Variants in OSBPL9 observed in about 807,000 individuals in gnomAD.
OSBPL9 encodes oxysterol-binding protein-related protein 9.
In OSBPL9, 40 loss-of-function variants were observed where a neutral mutation model predicts 106.6. The observed-to-expected ratio is 0.38, with a 90% CI of 0.29 to 0.49. OSBPL9 has a LOEUF of 0.49. Ranked by LOEUF, OSBPL9 falls within the 20% of genes least tolerant of loss-of-function variation. The pLI is 0.97. For missense variants in OSBPL9, 609 were observed against 887.2 expected, an observed-to-expected ratio of 0.69 and a Z score of 3.98; for synonymous variants, 269 against 295.4, an observed-to-expected ratio of 0.91 and a Z score of 0.92.
rs1460394778 is a variant in OSBPL9 at position 51,772,238 on chromosome 1, TGTGGTGGC to T, written c.1051+57_1051+64del. 2.1e-6 allele frequency: 3 copies of T among 1,408,512 alleles called. No homozygotes were observed. In the Admixed American group the frequency reaches 5.8e-5, roughly 27 times the overall value. The allele number at this position is 1,408,512 out of a possible 1,614,324, so 87.3% of individuals were successfully genotyped here. On this transcript the variant is annotated intron_variant, in intron 13 of 23. Transcript: ENST00000428468. ...TTCTTTAAAAATATTTGTGGCCAGA[TGTGGTGGC>T]TCATGCCGTAATCCCAGCACTTTGG... is the stretch of plus-strand genomic sequence containing the variant.
At chr1:51,641,979 A>C (rs900117859) in intron 1 of OSBPL9, among the ~76,000 whole-genome samples, 8 of 152,210 alleles carry the variant, frequency 5.3e-5, no homozygotes, top group African/African-American at 1.9e-4. Context: ...TAAAAAAGGT[A>C]AGTGTCAAGT....
At position 51,606,749 on chromosome 1, in the gene OSBPL9, T is replaced by C. The variant is rs571587909; in HGVS notation, c.-352-7556T>C. 9.8e-5 allele frequency among the ~76,000 whole-genome samples: 15 copies of C among 152,286 alleles called. 2 individuals are homozygous for C. In the South Asian group the frequency reaches 3.1e-3, roughly 32 times the overall value. On this transcript the variant is annotated intron_variant, in intron 2 of 25. Coordinates refer to the OSBPL9 transcript ENST00000371714. ...TTACAAGTACAATGTCTGTTACTTG[T>C]AGAAAATTTGGAAAACATGCCGGGC...
In OSBPL9 at chr1:51,789,161, T is replaced by TAA. The variant is rs1553199570; in HGVS notation, c.*1373_*1374dup. ...CAATGGAAGCCCTAAGGCAGTAGTA[T>TAA]AACTAACTCCATAAAATACAAACAA... On this transcript the variant is annotated 3_prime_UTR_variant, in exon 24 of 24. Coordinates refer to ENST00000428468, the MANE Select transcript of OSBPL9 (RefSeq NM_024586.6). 2 of 1,387,924 alleles carry TAA rather than the reference T, an allele frequency of 1.4e-6. No individual in the cohort carries two copies. The highest frequency in any genetic ancestry group is 2.0e-6 in the Non-Finnish European group (2 of 976,988). 86.0% of individuals were successfully genotyped at this position (1,387,924 alleles called of 1,614,324 possible). A position where few individuals can be genotyped will look rare whatever the true frequency, so the allele number is the denominator to read the frequency against.
At chr1:51,636,897 A>T (rs533143351) in intron 1 of OSBPL9, among the ~76,000 whole-genome samples, 7 of 152,340 alleles carry the variant, frequency 4.6e-5, no homozygotes, top group African/African-American at 1.7e-4. Flanking sequence ...CTAGTGACCT[A>T]GGAATTTACA....
At chr1:51,661,835 A>G (rs570335264) in intron 2 of OSBPL9, among the ~76,000 whole-genome samples, 39 of 152,324 alleles carry the variant, frequency 2.6e-4, no homozygotes, top group African/African-American at 9.6e-5. Context: ...CAGAGGGAAC[A>G]TGTGCAAAAA....
chr1:51,639,699 C>T (rs576054157), intron 1 of OSBPL9, among the ~76,000 whole-genome samples: 1 of 151,760 alleles, frequency 6.6e-6, no homozygotes, highest in Non-Finnish European at 1.5e-5. Flanking sequence ...AGATTCATAG[C>T]AAGTCAGTGA....
intron 3 of OSBPL9, among the ~76,000 whole-genome samples, chr1:51,670,733 T>C (rs540222711): frequency 9.2e-5 from 14 of 152,374 alleles, no homozygotes; most frequent in African/African-American, 3.4e-4. Flanking sequence ...TTCTACTATA[T>C]TTAACTTCAT....
chr1:51,539,158 G>C, the OSBPL9 span, among the ~76,000 whole-genome samples: 9 of 152,016 alleles, frequency 5.9e-5, no homozygotes, highest in African/African-American at 2.2e-4. Context: ...CATCCACTTG[G>C]ATGTCTTAAG....
chr1:51,788,842 CT>C lies in OSBPL9; in HGVS notation c.*1054del, dbSNP rs1412477002. Among the ~76,000 whole-genome samples the C allele has an allele frequency of 6.4e-5, 7 of 110,048 alleles. No individual in the cohort carries two copies. Among genetic ancestry groups the C allele is most frequent in the Admixed American group, 4.3e-4 (5 of 11,584 alleles). The allele number at this position is 110,048 out of a possible 152,430, so 72.2% of individuals were successfully genotyped here. A position where few individuals can be genotyped will look rare whatever the true frequency, so the allele number is the denominator to read the frequency against. On this transcript the variant is annotated 3_prime_UTR_variant, in exon 24 of 24. Transcript: ENST00000428468. ...TCTGAAGGGAAATACAGAACTATAT[CT>C]ATCTATCTATCTATCATCTTTTTTA...
intron 4 of OSBPL9, among the ~76,000 whole-genome samples, chr1:51,740,887 T>C (rs1571454265): frequency 6.6e-6 from 1 of 152,290 alleles, no homozygotes; most frequent in East Asian, 1.9e-4. Flanking sequence ...CTTTAAAAGC[T>C]CCTACTCTGC....
the OSBPL9 span, among the ~76,000 whole-genome samples, chr1:51,558,132 T>C: frequency 6.6e-6 from 1 of 152,004 alleles, no homozygotes; most frequent in Non-Finnish European, 1.5e-5. Context: ...TACAAAAAAT[T>C]AGCCAGGCGT....
At chr1:51,541,448 AG>A in the OSBPL9 span, among the ~76,000 whole-genome samples, 1 of 152,146 alleles carries the variant, frequency 6.6e-6, no homozygotes, top group Non-Finnish European at 1.5e-5. Flanking sequence ...TGTTAGTCAT[AG>A]TTTTTATTGC....
chr1:51,722,611 C>T (rs1418424856), intron 4 of OSBPL9, among the ~76,000 whole-genome samples: 2 of 152,166 alleles, frequency 1.3e-5, no homozygotes, highest in Non-Finnish European at 2.9e-5. Flanking sequence ...GTGAACAAGG[C>T]GTTGTGGGGT....
intron 8 of OSBPL9, 94 bp downstream of exon 8, chr1:51,750,289 C>A: frequency 1.3e-6 from 1 of 771,368 alleles, no homozygotes; most frequent in Non-Finnish European, 2.2e-6. Flanking sequence ...AGATCTGAAA[C>A]ATAGTACCTT....
intron 2 of OSBPL9, among the ~76,000 whole-genome samples, chr1:51,603,339 A>G (rs899941571): frequency 2.0e-5 from 3 of 152,276 alleles, no homozygotes; most frequent in Non-Finnish European, 2.9e-5. Flanking sequence ...ACAGTATTGT[A>G]TACAGATAAA....
the OSBPL9 span, among the ~76,000 whole-genome samples, chr1:51,558,397 T>G: frequency 6.6e-6 from 1 of 152,178 alleles, no homozygotes; most frequent in East Asian, 1.9e-4. Context: ...TCAGGAGTCA[T>G]GCAGCCAGAG....
intron 14 of OSBPL9, among the ~76,000 whole-genome samples, chr1:51,774,079 A>T (rs1162757147): frequency 6.6e-6 from 1 of 152,048 alleles, no homozygotes; most frequent in Non-Finnish European, 1.5e-5. Context: ...TGCCACTGGC[A>T]AGGGGGAGGC....
intron 9 of OSBPL9, chr1:51,759,845 A>AG: frequency 6.6e-6 from 1 of 152,302 alleles, no homozygotes; most frequent in African/African-American, 2.4e-5. Flanking sequence ...TCAGAAAGCA[A>AG]GCCCTCTTCT....
At chr1:51,527,746 T>C in the OSBPL9 span, among the ~76,000 whole-genome samples, 1 of 151,844 alleles carries the variant, frequency 6.6e-6, no homozygotes, top group Non-Finnish European at 1.5e-5. Flanking sequence ...AAAAATGAAG[T>C]CTATTCTGAG....
Sources: gnomAD v4.1 joint callset for allele counts (sites outside exome capture counted in the v4.1 genomes callset) on GRCh38, gnomAD v4.1.1 for gene constraint, MANE v1.5 for transcripts, NCBI Gene and HGNC (gene_info 2026-07-23, HGNC 2026-07-21) for gene names.